Variants in HDAC4 observed in about 807,000 individuals in gnomAD.
The protein encoded by HDAC4 is histone deacetylase 4.
In HDAC4, 16 loss-of-function variants were observed where a neutral mutation model predicts 135.1. That is an observed-to-expected ratio of 0.12 (90% CI 0.08 to 0.18). HDAC4 has a LOEUF of 0.18. HDAC4 is among the 10% of genes least tolerant of loss of function. The pLI is 1.00. For missense variants in HDAC4, 1,143 were observed against 1,511.8 expected (o/e 0.76, Z 4.05); for synonymous variants, 685 against 653.4 (o/e 1.05, Z -0.74).
chr2:239,200,191 C>A (rs1167153202), intron 3 of HDAC4, among the ~76,000 whole-genome samples: 1 of 152,152 alleles, frequency 6.6e-6, no homozygotes, highest in African/African-American at 2.4e-5. Flanking sequence ...TCCTGAGGGA[C>A]GGACATGCGT....
rs144679778 is a variant in HDAC4, at chr2:239,286,754, G to A, written c.23-50090C>T. Reference sequence around the variant, plus strand: ...AGACACAGACAGACAAGGAAGGAGCGGCTGCTATGCTGAGGTAGGCCGGCC... The same window carrying A: ...AGACACAGACAGACAAGGAAGGAGCAGCTGCTATGCTGAGGTAGGCCGGCC... On this transcript the variant is annotated intron_variant, in intron 2 of 26. Transcript: ENST00000543185. Among the ~76,000 whole-genome samples, 22 of 152,212 alleles carry A rather than the reference G, an allele frequency of 1.4e-4. No homozygotes were observed. In the East Asian group the frequency reaches 3.3e-3, roughly 23 times the overall value.
intron 2 of HDAC4, among the ~76,000 whole-genome samples, chr2:239,304,872 A>G (rs180922642): frequency 6.6e-6 from 1 of 152,284 alleles, no homozygotes; most frequent in East Asian, 1.9e-4. Context: ...ATATATACAC[A>G]CACATAGGAG....
At chr2:239,190,691 G>C (rs1415329586) in intron 3 of HDAC4, among the ~76,000 whole-genome samples, 1 of 152,180 alleles carries the variant, frequency 6.6e-6, no homozygotes, top group Non-Finnish European at 1.5e-5. Context: ...CGTGCTCCTG[G>C]CTCTTGGCAC....
intron 3 of HDAC4, among the ~76,000 whole-genome samples, chr2:239,194,966 C>CATAT (rs1559210062): frequency 3.9e-5 from 6 of 152,064 alleles, no homozygotes; most frequent in African/African-American, 1.4e-4. Flanking sequence ...CGTCTCCCTA[C>CATAT]GGACATGGAA....
At chr2:239,134,735 C>T in intron 9 of HDAC4, 92 bp from the exon 10 acceptor site, 3 of 909,414 alleles carry the variant, frequency 3.3e-6, no homozygotes, top group Non-Finnish European at 5.6e-6. Flanking sequence ...AACACCTGCA[C>T]TGAATTCTGA....
chr2:239,111,453 G>A (rs1411021669), intron 14 of HDAC4, 73 bp downstream of exon 14: 19 of 1,444,792 alleles, frequency 1.3e-5, no homozygotes, highest in Non-Finnish European at 1.6e-5. Flanking sequence ...GAGCTGGGCC[G>A]GGAAGAGCCC....
At chr2:239,295,306 CAAAAAAA>C (rs55990119) in intron 2 of HDAC4, among the ~76,000 whole-genome samples, 8 of 46,560 alleles carry the variant, frequency 1.7e-4, no homozygotes, top group East Asian at 8.1e-4. Flanking sequence ...GACTCCGTCT[CAAAAAAA>C]AAAAAAAAAA....
chr2:239,245,954 C>A lies in HDAC4; in HGVS notation c.23-9290G>T, dbSNP rs1004824223. Among the ~76,000 whole-genome samples the A allele has an allele frequency of 6.6e-6, 1 of 152,172 alleles. No homozygotes were observed. Among genetic ancestry groups the A allele is most frequent in the African/African-American group, 2.4e-5 (1 of 41,440 alleles). On this transcript the variant is annotated intron_variant, in intron 2 of 26. Transcript: ENST00000543185. This position sits in a 1 kb window ranked among gnomAD's most constrained non-coding sequence, Gnocchi z 4.4. Reference sequence around the variant, plus strand: ...CGTCTGGGAACGTGAGAGTGAGCAACGCAGAGGCCTGGCCCCGGCCCAGCA... The same window carrying A: ...CGTCTGGGAACGTGAGAGTGAGCAAAGCAGAGGCCTGGCCCCGGCCCAGCA...
chr2:239,380,923 C>T lies in HDAC4; in HGVS notation c.-220+20055G>A, dbSNP rs1575783367. 3.3e-5 allele frequency among the ~76,000 whole-genome samples: 5 copies of T among 152,268 alleles called. No homozygotes were observed. The East Asian group carries it at 7.7e-4, about 23-fold the overall frequency. ...TACACAGCGCACACTTCCTGTGGAT[C>T]GAGGTCACCCCTCAGCAGCGCCTCC... On this transcript the variant is annotated intron_variant, in intron 1 of 26. Coordinates refer to ENST00000543185, the MANE Select transcript of HDAC4 (RefSeq NM_001378414.1).
intron 12 of HDAC4, among the ~76,000 whole-genome samples, chr2:239,119,343 G>A (rs2039422469): frequency 6.6e-6 from 1 of 152,220 alleles, no homozygotes; most frequent in African/African-American, 2.4e-5. Flanking sequence ...GAGAGCAGCA[G>A]CCAGGACGGG....
intron 1 of HDAC4, among the ~76,000 whole-genome samples, chr2:239,375,440 AC>A (rs1694937347): frequency 6.6e-6 from 1 of 151,582 alleles, no homozygotes; most frequent in Non-Finnish European, 1.5e-5. Flanking sequence ...GCCCAACCCC[AC>A]CGTGAGGATG....
chr2:239,142,662 G>A (rs111500550), intron 8 of HDAC4, among the ~76,000 whole-genome samples: 42 of 119,122 alleles, frequency 3.5e-4, no homozygotes, highest in African/African-American at 1.0e-3. Flanking sequence ...GCCCTGCCAC[G>A]CATGGCTCCT....
At chr2:239,356,965 A>G (rs907632526) in intron 1 of HDAC4, among the ~76,000 whole-genome samples, 1 of 152,240 alleles carries the variant, frequency 6.6e-6, no homozygotes, top group Non-Finnish European at 1.5e-5. Context: ...AGTAGCTGTT[A>G]GAACAAGTAG....
chr2:239,069,310 G>A lies in HDAC4; in HGVS notation c.2751-703C>T, dbSNP rs1373415439. On this transcript the variant is annotated intron_variant, in intron 22 of 26. Transcript: ENST00000543185. The stretch of plus-strand genomic sequence containing the variant: ...CACTGCACTTGCTTGGTGAGAGGGA[G>A]TCACGGTGCAAGCCAGCAAGCCCCA... Among the ~76,000 whole-genome samples, 6 of 34,240 alleles carry A rather than the reference G, an allele frequency of 1.8e-4. No homozygotes were observed. In the East Asian group the frequency reaches 4.7e-3, roughly 27 times the overall value. 22.5% of individuals were successfully genotyped at this position (34,240 alleles called of 152,430 possible).
At chr2:239,107,703 G>A (rs1166376393) in intron 15 of HDAC4, among the ~76,000 whole-genome samples, 3 of 152,348 alleles carry the variant, frequency 2.0e-5, no homozygotes, top group African/African-American at 7.2e-5. Flanking sequence ...AGCATGGTGG[G>A]AACTGGTTTC....
chr2:239,054,424 G>A (rs1051334281), intron 25 of HDAC4, among the ~76,000 whole-genome samples: 7 of 152,116 alleles, frequency 4.6e-5, no homozygotes, highest in African/African-American at 1.7e-4. Flanking sequence ...CAGGGTACAG[G>A]CTCACAGCCA....
rs747815169 is a variant in HDAC4, at chr2:239,108,119, G to A, written c.2043C>T (p.Pro681=). 14 of 1,609,052 alleles carry A rather than the reference G, an allele frequency of 8.7e-6. No individual in the cohort carries two copies. Among genetic ancestry groups the A allele is most frequent in the Middle Eastern group, 2.1e-4 (1 of 4,812 alleles). ...TGCTCTGGATCCTCCCGGCGTGCTC[G>A]GGGTGGCTGCTGCTACTCCCGCAGG... The part of the protein sequence containing the change: ...QCTCGSSSSH[P]EHAGRIQSIW... The change falls in exon 15 of 27, where the codon CCC becomes CCT. Residue 681 remains proline, a synonymous_variant. Coordinates refer to ENST00000543185, the MANE Select transcript of HDAC4 (RefSeq NM_001378414.1).
chr2:239,385,033 G>A (rs538933881), intron 1 of HDAC4, among the ~76,000 whole-genome samples: 175 of 152,256 alleles, frequency 1.1e-3, no homozygotes, highest in Non-Finnish European at 1.9e-3. Context: ...CAGGGACAGG[G>A]ACAAGGCTTC....
At chr2:239,346,211 A>C (rs1410865930) in intron 2 of HDAC4, among the ~76,000 whole-genome samples, 1 of 151,072 alleles carries the variant, frequency 6.6e-6, no homozygotes, top group African/African-American at 2.4e-5. Flanking sequence ...TACATACCTT[A>C]ACACACACAT....
Sources: allele counts gnomAD v4.1 joint callset (sites outside exome capture counted in the v4.1 genomes callset), GRCh38; gene constraint gnomAD v4.1.1; non-coding constraint Gnocchi (gnomAD v3.1); transcripts MANE v1.5; gene names NCBI Gene and HGNC (gene_info 2026-07-23, HGNC 2026-07-21).